Variants in NIPAL2 observed in about 807,000 individuals in gnomAD.
NIPAL2 encodes the protein NIPA like domain containing 2, also known as NIPA-like protein 2.
A neutral mutation model predicts 48.9 loss-of-function variants in NIPAL2; 43 were observed. That is an observed-to-expected ratio of 0.88 (90% confidence interval 0.69 to 1.13). The LOEUF is 1.13. Among genes scored for constraint, NIPAL2 ranks in the 50% most tolerant of loss-of-function variants. NIPAL2 has a pLI of 0.00. For synonymous variants in NIPAL2, 167 were observed against 174.6 expected (o/e 0.96, Z 0.34); for missense variants, 446 against 461.4 (o/e 0.97, Z 0.31).
chr8:98,200,743 G>C (rs1810759832), intron 8 of NIPAL2, among the ~76,000 whole-genome samples: 1 of 152,078 alleles, frequency 6.6e-6, no homozygotes, highest in Admixed American at 6.6e-5. Flanking sequence ...CCCACCAATG[G>C]TGTACAAAAG....
At chr8:98,219,733 G>A (rs1297603983) in intron 5 of NIPAL2, among the ~76,000 whole-genome samples, 1 of 152,002 alleles carries the variant, frequency 6.6e-6, no homozygotes, top group Non-Finnish European at 1.5e-5. Context: ...TCTTAACAAG[G>A]CTGCCTCCCC....
chr8:98,250,230 G>T (rs960617636), intron 3 of NIPAL2, among the ~76,000 whole-genome samples: 11 of 152,160 alleles, frequency 7.2e-5, no homozygotes, highest in African/African-American at 2.7e-4. Flanking sequence ...TTCAACGGGA[G>T]ATTTGATTTC....
At chr8:98,275,082 C>T (rs573439708) in intron 1 of NIPAL2, among the ~76,000 whole-genome samples, 1 of 152,182 alleles carries the variant, frequency 6.6e-6, no homozygotes, top group South Asian at 2.1e-4. Flanking sequence ...ATGTTAACAT[C>T]TTACACAACT....
chr8:98,250,225 C>T (rs980749414), intron 3 of NIPAL2, among the ~76,000 whole-genome samples: 10 of 152,122 alleles, frequency 6.6e-5, no homozygotes, highest in Admixed American at 1.3e-4. Context: ...TAAAATTCAA[C>T]GGGAGATTTG....
chr8:98,235,096 T>C (rs1015893489), intron 4 of NIPAL2, among the ~76,000 whole-genome samples: 2 of 152,148 alleles, frequency 1.3e-5, no homozygotes, highest in Admixed American at 6.5e-5. Flanking sequence ...AAGGGAAACA[T>C]GATCAGGGAA....
intron 6 of NIPAL2, among the ~76,000 whole-genome samples, chr8:98,208,316 A>G (rs1365199016): frequency 6.6e-6 from 1 of 152,172 alleles, no homozygotes; most frequent in Non-Finnish European, 1.5e-5. Flanking sequence ...AAATTTTTCT[A>G]GGTTGCCATC....
chr8:98,213,440 C>A (rs1703547537), intron 5 of NIPAL2, among the ~76,000 whole-genome samples: 1 of 152,006 alleles, frequency 6.6e-6, no homozygotes. Flanking sequence ...AAACTAGACC[C>A]ATTCATTCCT....
rs1810358027 is a variant in NIPAL2, at chr8:98,192,817, G to T, written c.*161C>A. On this transcript the variant is annotated 3_prime_UTR_variant, in exon 11 of 11. Transcript: ENST00000430223. ...GGAAATATTAGACTGTCAGAGCTTA[G>T]GAAGTCCCCGATTGTCCATAGACGC... The T allele has an allele frequency of 6.5e-6, 4 of 615,808 alleles. No homozygotes were observed. The highest frequency in any genetic ancestry group is 1.2e-5 in the Non-Finnish European group (4 of 345,226). The allele number at this position is 615,808 out of a possible 1,614,324, so 38.1% of individuals were successfully genotyped here.
chr8:98,238,259 G>C (rs1812815497), intron 3 of NIPAL2, among the ~76,000 whole-genome samples: 2 of 152,102 alleles, frequency 1.3e-5, no homozygotes, highest in Admixed American at 6.6e-5. Context: ...ACTATTTGCT[G>C]GTTGTTTTTT....
chr8:98,270,269 C>T (rs1018034366), intron 1 of NIPAL2, among the ~76,000 whole-genome samples: 1 of 152,148 alleles, frequency 6.6e-6, no homozygotes, highest in Admixed American at 6.5e-5. Flanking sequence ...AAACTGCTTT[C>T]CACAGGGGCT....
chr8:98,289,721 G>C (rs2130922621), intron 1 of NIPAL2, among the ~76,000 whole-genome samples: 1 of 152,174 alleles, frequency 6.6e-6, no homozygotes, highest in East Asian at 1.9e-4. Flanking sequence ...GATACATAAG[G>C]AAGGGAACAA....
chr8:98,210,642 A>G (rs1218027235), intron 6 of NIPAL2, among the ~76,000 whole-genome samples: 1 of 152,190 alleles, frequency 6.6e-6, no homozygotes, highest in African/African-American at 2.4e-5. Context: ...CTCTGTCTTT[A>G]TATGGGTTTC....
intron 9 of NIPAL2, among the ~76,000 whole-genome samples, chr8:98,195,524 A>G (rs1366288191): frequency 6.6e-6 from 1 of 152,198 alleles, no homozygotes; most frequent in African/African-American, 2.4e-5. Context: ...TACCAACCTG[A>G]TATTATCATG....
intron 1 of NIPAL2, among the ~76,000 whole-genome samples, chr8:98,280,753 T>TAGAGAGAGAGAG (rs1270897782): frequency 9.7e-4 from 37 of 38,122 alleles, no homozygotes; most frequent in Non-Finnish European, 2.0e-3. Context: ...TATATATATA[T>TAGAGAGAGAGAG]ATATATATAG....
rs77774174 is a variant in NIPAL2 at position 98,222,544 on chromosome 8, T to G, written c.493A>C (p.Thr165Pro). 7.4e-3 allele frequency: 11,986 copies of G among 1,613,942 alleles called. 762 individuals carry two copies. The East Asian group carries it at 0.17, about 23-fold the overall frequency. The change falls in exon 5 of 11, where the codon ACT becomes CCT. Residue 165 changes from threonine to proline, a missense_variant. Physicochemically the swap from Thr to Pro is conservative, Grantham distance 38 (BLOSUM62 -1). Coordinates refer to ENST00000430223, the MANE Select transcript of NIPAL2 (RefSeq NM_001321635.2). ...ACTGTTCTTGCTGAGATTGCCTGAG[T>G]TATATTTGGAGCAAAGTTCACCAGT... ...YLLVNFAPNI[T>P]QAISARTVQY...
intron 4 of NIPAL2, among the ~76,000 whole-genome samples, chr8:98,234,032 C>T (rs1467927699): frequency 2.0e-5 from 3 of 152,004 alleles, no homozygotes; most frequent in Admixed American, 1.3e-4. Flanking sequence ...CCCTAGGAGA[C>T]ATTTTGGAAT....
In NIPAL2 at chr8:98,222,495, T is replaced by C. The variant is rs1811943141; in HGVS notation, c.542A>G (p.Gln181Arg). Residue 181 changes from glutamine (Q) to arginine (R), a missense_variant, in exon 5 of 11, where the codon CAG becomes CGG. Gln to Arg is a conservative substitution (Grantham distance 43). Coordinates refer to ENST00000430223, the MANE Select transcript of NIPAL2 (RefSeq NM_001321635.2). ...RTVQYYLVGW[Q>R]FLIYVILEIL... ...AATTCTTACCACATAGATCAGGAAC[T>C]GCCATCCGACAAGGTAATACTGTAC... is the stretch of plus-strand genomic sequence containing the variant. The C allele has an allele frequency of 1.2e-6, 2 of 1,613,564 alleles. No individual in the cohort carries two copies. Among genetic ancestry groups the C allele is most frequent in the Non-Finnish European group, 1.7e-6 (2 of 1,179,908 alleles).
intron 1 of NIPAL2, among the ~76,000 whole-genome samples, chr8:98,292,644 G>A (rs931273104): frequency 6.6e-6 from 1 of 151,752 alleles, no homozygotes; most frequent in African/African-American, 2.4e-5. Flanking sequence ...TCCAGGAAAT[G>A]TCAAAGAAAA....
rs1454322924 is a variant in NIPAL2, at chr8:98,260,991, A to C, written c.136-6904T>G. ...TGACCCCTGACCCCTGAGCAGCCTAACTGGGAGGCACCCACCAGCAGGGCA... is the reference window on the plus strand; with the variant it reads ...TGACCCCTGACCCCTGAGCAGCCTACCTGGGAGGCACCCACCAGCAGGGCA... On this transcript the variant is annotated intron_variant, in intron 1 of 10. Transcript: ENST00000430223. 3.3e-5 allele frequency among the ~76,000 whole-genome samples: 5 copies of C among 152,226 alleles called. No homozygotes were observed. In the East Asian group the frequency reaches 9.6e-4, roughly 29 times the overall value.
Sources: gnomAD v4.1 joint callset for allele counts (sites outside exome capture counted in the v4.1 genomes callset) on GRCh38, gnomAD v4.1.1 for gene constraint, MANE v1.5 for transcripts, NCBI Gene and HGNC (gene_info 2026-07-23, HGNC 2026-07-21) for gene names.